CPAP: variants seen among roughly 807,000 people sequenced by gnomAD.
The protein encoded by CPAP is centrosome assembly and centriole elongation protein.
the CPAP span, among the ~76,000 whole-genome samples, chr13:24,889,577 GTGCACACA>G: frequency 1.1e-5 from 1 of 93,176 alleles, no homozygotes; most frequent in Non-Finnish European, 2.9e-5. Flanking sequence ...CACTGCGCGT[GTGCACACA>G]CACGCACGCG....
the CPAP span, chr13:24,892,840 G>A: frequency 1.1e-4 from 179 of 1,608,386 alleles, no homozygotes; most frequent in South Asian, 1.0e-3. Flanking sequence ...AAATCTTCCC[G>A]TAAATCTGCT....
At chr13:24,902,375 G>A in the CPAP span, among the ~76,000 whole-genome samples, 2 of 152,110 alleles carry the variant, frequency 1.3e-5, no homozygotes, top group Non-Finnish European at 2.9e-5. Context: ...GGTGGAGAAC[G>A]GATTGGAATA....
At chr13:24,910,624 G>A in the CPAP span, among the ~76,000 whole-genome samples, 1 of 152,192 alleles carries the variant, frequency 6.6e-6, no homozygotes, top group East Asian at 1.9e-4. Context: ...GGGATCCTGA[G>A]ACCAAAATAT....
the CPAP span, chr13:24,912,556 TC>T: frequency 6.3e-7 from 1 of 1,581,226 alleles, no homozygotes; most frequent in East Asian, 2.2e-5. Flanking sequence ...TGACATAAAT[TC>T]ACAGTAGGCC....
the CPAP span, chr13:24,883,164 C>A: frequency 6.2e-7 from 1 of 1,609,160 alleles, no homozygotes; most frequent in Non-Finnish European, 8.5e-7. Flanking sequence ...ACTTCATGAT[C>A]ACATGAGGAT....
At chr13:24,922,384 T>C in the CPAP span, among the ~76,000 whole-genome samples, 2 of 152,168 alleles carry the variant, frequency 1.3e-5, no homozygotes, top group African/African-American at 2.4e-5. Flanking sequence ...AGAGAAGCCC[T>C]TGACAAAGCT....
the CPAP span, among the ~76,000 whole-genome samples, chr13:24,909,156 T>C: frequency 2.0e-5 from 3 of 152,146 alleles, no homozygotes; most frequent in Non-Finnish European, 4.4e-5. Flanking sequence ...AATAAAAGGC[T>C]ATGGAAACAT....
chr13:24,889,497 T>G, the CPAP span: 1 of 844,680 alleles, frequency 1.2e-6, no homozygotes, highest in Non-Finnish European at 1.9e-6. Context: ...AAGAATGCTG[T>G]GGGTTTTGTT....
At chr13:24,917,187 G>A in the CPAP span, among the ~76,000 whole-genome samples, 1 of 152,148 alleles carries the variant, frequency 6.6e-6, no homozygotes, top group Non-Finnish European at 1.5e-5. Flanking sequence ...GGAGGCAGCA[G>A]ATCTTGCAGT....
At chr13:24,898,211 T>C in the CPAP span, among the ~76,000 whole-genome samples, 13 of 152,158 alleles carry the variant, frequency 8.5e-5, no homozygotes, top group Non-Finnish European at 4.4e-5. Flanking sequence ...TCTTATTTTT[T>C]AAAGGTGTCT....
the CPAP span, chr13:24,899,544 A>G: frequency 6.2e-7 from 1 of 1,614,016 alleles, no homozygotes; most frequent in Non-Finnish European, 8.5e-7. Context: ...ATTCGAGCTA[A>G]TTCTTTTGCT....
the CPAP span, chr13:24,885,207 A>C: frequency 2.9e-6 from 3 of 1,045,532 alleles, no homozygotes; most frequent in Non-Finnish European, 3.0e-6. Context: ...TTTAGATTCT[A>C]TGTGTTTCAA....
the CPAP span, chr13:24,889,301 C>A: frequency 6.4e-7 from 1 of 1,552,828 alleles, no homozygotes; most frequent in Non-Finnish European, 8.9e-7. Context: ...ATAAAAAGAT[C>A]ATGCAGCCTC....
chr13:24,922,974 G>T, the CPAP span: 1 of 152,320 alleles, frequency 6.6e-6, no homozygotes, highest in Non-Finnish European at 1.5e-5. Flanking sequence ...CCACAGCGAC[G>T]GGCGTTGCCC....
the CPAP span, chr13:24,908,042 G>A: frequency 6.2e-7 from 1 of 1,612,112 alleles, no homozygotes; most frequent in Non-Finnish European, 8.5e-7. Flanking sequence ...AGCCACTTCT[G>A]AGGAATCATC....
chr13:24,933,741 T>C, the CPAP span, among the ~76,000 whole-genome samples: 1 of 152,128 alleles, frequency 6.6e-6, no homozygotes, highest in Non-Finnish European at 1.5e-5. Context: ...TTTTTTTTTT[T>C]TTAGATGGAG....
the CPAP span, among the ~76,000 whole-genome samples, chr13:24,893,261 T>C: frequency 6.6e-6 from 1 of 152,184 alleles, no homozygotes; most frequent in African/African-American, 2.4e-5. Flanking sequence ...GAATAAAAGA[T>C]TCCAAAGTCA....
At chr13:24,911,866 G>A in the CPAP span, 367 of 1,545,270 alleles carry the variant, frequency 2.4e-4, no homozygotes, top group Non-Finnish European at 3.0e-4. Context: ...ACATGATACA[G>A]GAACGATAGA....
chr13:24,905,396 G>C, the CPAP span: 2 of 1,614,124 alleles, frequency 1.2e-6, no homozygotes, highest in Non-Finnish European at 1.7e-6. Context: ...TCCCAAGTGT[G>C]AATCTGACTT....
Sources: gnomAD v4.1 joint callset for allele counts (sites outside exome capture counted in the v4.1 genomes callset) on GRCh38, gnomAD v4.1.1 for gene constraint, MANE v1.5 for transcripts, NCBI Gene and HGNC (gene_info 2026-07-23, HGNC 2026-07-21) for gene names.